ANKRD17: variants seen among roughly 807,000 people sequenced by gnomAD.
The protein encoded by ANKRD17 is ankyrin repeat domain-containing protein 17.
A neutral mutation model predicts 229.7 loss-of-function variants in ANKRD17; 19 were observed. That is an observed-to-expected ratio of 0.08 (90% CI 0.06 to 0.12). The LOEUF (loss-of-function observed/expected upper bound fraction) is 0.12. ANKRD17 is among the 10% of genes least tolerant of loss of function. The pLI, the probability that ANKRD17 is intolerant of heterozygous loss-of-function variation, is 1.00. For missense variants in ANKRD17, 2,176 were observed against 3,176.8 expected, an observed-to-expected ratio of 0.68 and a Z score of 7.57; for synonymous variants, 1,112 against 1,146.1, an observed-to-expected ratio of 0.97 and a Z score of 0.60.
At chr4:73,219,826 CCTA>C (rs1425863885) in intron 1 of ANKRD17, among the ~76,000 whole-genome samples, 1 of 152,046 alleles carries the variant, frequency 6.6e-6, no homozygotes, top group Non-Finnish European at 1.5e-5. Flanking sequence ...CATAAAATTT[CCTA>C]CTTTCTTAAA....
intron 1 of ANKRD17, among the ~76,000 whole-genome samples, chr4:73,233,721 A>G (rs914670084): frequency 6.6e-6 from 1 of 152,194 alleles, no homozygotes; most frequent in Non-Finnish European, 1.5e-5. Context: ...TTCCCAGTAT[A>G]GAAAATGCAA....
intron 1 of ANKRD17, among the ~76,000 whole-genome samples, chr4:73,235,432 T>C (rs1268611174): frequency 6.6e-6 from 1 of 152,220 alleles, no homozygotes; most frequent in Non-Finnish European, 1.5e-5. Flanking sequence ...TCTCCCCACA[T>C]ACACCCAAGT....
At chr4:73,092,603 C>T (rs1034474809) in intron 28 of ANKRD17, among the ~76,000 whole-genome samples, 5 of 152,084 alleles carry the variant, frequency 3.3e-5, no homozygotes, top group African/African-American at 1.2e-4. Flanking sequence ...AAACCATTTT[C>T]CTACTGTAAA....
chr4:73,192,284 G>T (rs1363835064), intron 1 of ANKRD17, among the ~76,000 whole-genome samples: 1 of 151,836 alleles, frequency 6.6e-6, no homozygotes, highest in Non-Finnish European at 1.5e-5. Context: ...TTACCAAATG[G>T]ATACATTAAT....
Position 73,190,277 on chromosome 4 carries a change from G to C in ANKRD17, c.394-12744C>G, listed in dbSNP as rs1736876781. On this transcript the variant is annotated intron_variant, in intron 1 of 33. Coordinates refer to ENST00000358602, the MANE Select transcript of ANKRD17 (RefSeq NM_032217.5). ...CCAGCTACTTGGGAGGCTGAGGCAG[G>C]AGAATCACTTGAACCCGGGAGGCAG... Among the ~76,000 whole-genome samples the C allele has an allele frequency of 2.6e-5, 4 of 152,166 alleles. 1 individual carries two copies. The South Asian group carries it at 8.3e-4, about 32-fold the overall frequency.
At chr4:73,158,714 C>G (rs1732106025) in intron 3 of ANKRD17, among the ~76,000 whole-genome samples, 1 of 152,176 alleles carries the variant, frequency 6.6e-6, no homozygotes, top group Admixed American at 6.5e-5. Flanking sequence ...TCGGTTAATC[C>G]ATTCATGAAT....
chr4:73,221,254 G>T (rs761409234), intron 1 of ANKRD17, among the ~76,000 whole-genome samples: 36 of 151,928 alleles, frequency 2.4e-4, no homozygotes, highest in Non-Finnish European at 4.4e-4. Context: ...AATTGCAGAG[G>T]TTGTTTTAAT....
At chr4:73,114,759 CCTAG>C (rs1163948379) in intron 23 of ANKRD17, among the ~76,000 whole-genome samples, 1 of 152,134 alleles carries the variant, frequency 6.6e-6, no homozygotes, top group Non-Finnish European at 1.5e-5. Context: ...AAGACAGTGA[CCTAG>C]CTAGTTTAAA....
At chr4:73,099,695 C>T (rs1313975686) in intron 25 of ANKRD17, among the ~76,000 whole-genome samples, 2 of 152,192 alleles carry the variant, frequency 1.3e-5, no homozygotes, top group Non-Finnish European at 2.9e-5. Context: ...CTGTGTTTGT[C>T]ACTATGTGGG....
At chr4:73,235,320 C>T (rs1436835605) in intron 1 of ANKRD17, among the ~76,000 whole-genome samples, 2 of 152,206 alleles carry the variant, frequency 1.3e-5, no homozygotes, top group Admixed American at 6.5e-5. Flanking sequence ...CAGAAGGAAA[C>T]GCAGACCAAA....
intron 1 of ANKRD17, among the ~76,000 whole-genome samples, chr4:73,224,554 T>C (rs930656971): frequency 6.6e-6 from 1 of 152,180 alleles, no homozygotes; most frequent in Non-Finnish European, 1.5e-5. Context: ...TGTCAAGCAA[T>C]ATATGATTTC....
intron 30 of ANKRD17, among the ~76,000 whole-genome samples, chr4:73,081,982 C>CA (rs905989959): frequency 6.0e-5 from 9 of 150,870 alleles, no homozygotes; most frequent in East Asian, 3.9e-4. Context: ...CTCATCTCTA[C>CA]AAAAAAAAAT....
rs564663409 is a variant in ANKRD17 at position 73,181,037 on chromosome 4, G to C, written c.394-3504C>G. Among the ~76,000 whole-genome samples, 83 of 152,258 alleles carry C rather than the reference G, an allele frequency of 5.5e-4. 1 individual carries two copies. The South Asian group carries it at 0.016, about 29-fold the overall frequency. ...TGAATAAGTCAGAATCTGTAAAGAA[G>C]GTGAAATTTACCAGATGATTTTGGT... On this transcript the variant is annotated intron_variant, in intron 1 of 33. Coordinates refer to ENST00000358602, the MANE Select transcript of ANKRD17 (RefSeq NM_032217.5).
At chr4:73,201,331 T>C (rs866959628) in intron 1 of ANKRD17, among the ~76,000 whole-genome samples, 4 of 152,190 alleles carry the variant, frequency 2.6e-5, no homozygotes, top group East Asian at 3.9e-4. Flanking sequence ...TTTTTTACTA[T>C]AGGGAAATTG....
In ANKRD17 at chr4:73,142,629, G is replaced by A; in HGVS notation, c.2085+11C>T. ...AATTCACAATTCTGCACAAACATTT[G>A]AGTTACATACTTTCAAACGGTGAGT... On this transcript the variant is annotated intron_variant, in intron 12 of 33. Transcript: ENST00000358602. 1.2e-6 allele frequency: 2 copies of A among 1,613,826 alleles called. No individual in the cohort carries two copies. Among genetic ancestry groups the A allele is most frequent in the Non-Finnish European group, 1.7e-6 (2 of 1,179,890 alleles).
At chr4:73,205,939 T>C (rs1303338129) in intron 1 of ANKRD17, among the ~76,000 whole-genome samples, 1 of 152,096 alleles carries the variant, frequency 6.6e-6, no homozygotes, top group Non-Finnish European at 1.5e-5. Context: ...GAATAGACAT[T>C]TCTCCAAAGA....
chr4:73,236,242 AATTCCTGGG>A, intron 1 of ANKRD17, among the ~76,000 whole-genome samples: 1 of 152,150 alleles, frequency 6.6e-6, no homozygotes, highest in East Asian at 1.9e-4. Context: ...TGTAACCTTA[AATTCCTGGG>A]CTTAAGCAAT....
chr4:73,224,759 A>G (rs1355122064), intron 1 of ANKRD17, among the ~76,000 whole-genome samples: 2 of 152,190 alleles, frequency 1.3e-5, no homozygotes, highest in African/African-American at 4.8e-5. Context: ...AAAAGAGGTT[A>G]AGCAACTTGC....
intron 1 of ANKRD17, among the ~76,000 whole-genome samples, chr4:73,191,455 G>T (rs775728496): frequency 4.2e-5 from 6 of 141,358 alleles, no homozygotes; most frequent in Non-Finnish European, 9.1e-5. Flanking sequence ...AAATATAAGA[G>T]ATTATGTTGT....
Sources: allele counts gnomAD v4.1 joint callset (sites outside exome capture counted in the v4.1 genomes callset), GRCh38; gene constraint gnomAD v4.1.1; transcripts MANE v1.5; gene names NCBI Gene and HGNC (gene_info 2026-07-23, HGNC 2026-07-21).